Variants in DEFB131B observed in about 807,000 individuals in gnomAD.
The protein encoded by DEFB131B is beta-defensin 131B.
In DEFB131B, 2 loss-of-function variants were observed where a neutral mutation model predicts 2.1. That is an observed-to-expected ratio of 0.94 (90% confidence interval 0.38 to 2.95). The LOEUF is 2.95. Among genes scored for constraint, DEFB131B ranks in the 30% most tolerant of loss-of-function variants. The pLI is 0.09. For synonymous variants in DEFB131B, 26 were observed against 25.8 expected, an observed-to-expected ratio of 1.01 and a Z score of -0.03; for missense variants, 77 against 78.5, an observed-to-expected ratio of 0.98 and a Z score of 0.07.
chr11:71,882,593 C>T (rs1952577179), intron 1 of DEFB131B, among the ~76,000 whole-genome samples: 1 of 152,176 alleles, frequency 6.6e-6, no homozygotes, highest in African/African-American at 2.4e-5. Flanking sequence ...GAGTTTGTCA[C>T]CAGTAGTCCT....
chr11:71,882,074 T>C (rs1952567432), intron 1 of DEFB131B, among the ~76,000 whole-genome samples: 1 of 151,342 alleles, frequency 6.6e-6, no homozygotes, highest in African/African-American at 2.4e-5. Context: ...CTGCCAAAAA[T>C]CAAAGACGAA....
chr11:71,884,508 A>C lies in DEFB131B; in HGVS notation c.160A>C (p.Ser54Arg). ...TGCAATTAGATACTGTGCTGACTTC[A>C]GCATCTGCTGCAAACTGAAGATCAT... is the stretch of plus-strand genomic sequence containing the variant. ...EHAIRYCADF[S>R]ICCKLKIIQI... Residue 54 changes from serine to arginine, a missense_variant, in exon 2 of 2, where the codon AGC (serine) becomes CGC (arginine). Coordinates refer to ENST00000530210, the MANE Select transcript of DEFB131B (RefSeq NM_001242853.1). The C allele has an allele frequency of 6.2e-7, 1 of 1,609,930 alleles. No individual in the cohort carries two copies. The highest frequency in any genetic ancestry group is 8.5e-7 in the Non-Finnish European group (1 of 1,178,572).
intron 1 of DEFB131B, among the ~76,000 whole-genome samples, chr11:71,880,319 CAG>C (rs1359564661): frequency 4.6e-5 from 7 of 152,222 alleles, no homozygotes; most frequent in South Asian, 4.1e-4. Context: ...TTGTTTATAA[CAG>C]ACTCTAATGA....
chr11:71,882,601 C>G (rs1485137600), intron 1 of DEFB131B, among the ~76,000 whole-genome samples: 1 of 152,148 alleles, frequency 6.6e-6, no homozygotes, highest in Non-Finnish European at 1.5e-5. Flanking sequence ...CACCAGTAGT[C>G]CTACCTTACA....
intron 1 of DEFB131B, among the ~76,000 whole-genome samples, chr11:71,881,470 C>T (rs148751983): frequency 0.037 from 5,668 of 152,176 alleles, 356 homozygotes; most frequent in African/African-American, 0.13. Context: ...TTTGGTTTCT[C>T]CTGAGGCCTG....
chr11:71,879,130 A>G (rs1156472164), intron 1 of DEFB131B, among the ~76,000 whole-genome samples: 1 of 152,220 alleles, frequency 6.6e-6, no homozygotes, highest in Non-Finnish European at 1.5e-5. Context: ...GACTAGAAGA[A>G]GGGCTAGAGG....
At chr11:71,884,087 A>C (rs1287378814) in intron 1 of DEFB131B, among the ~76,000 whole-genome samples, 1 of 152,232 alleles carries the variant, frequency 6.6e-6, no homozygotes, top group Admixed American at 6.5e-5. Flanking sequence ...TCCAGAAATT[A>C]AACATTATTT....
intron 1 of DEFB131B, among the ~76,000 whole-genome samples, chr11:71,881,786 G>T (rs2121351259): frequency 6.6e-6 from 1 of 152,112 alleles, no homozygotes; most frequent in South Asian, 2.1e-4. Flanking sequence ...TGAGCTTAAA[G>T]AATTTTAAAT....
chr11:71,880,776 T>C (rs61890865), intron 1 of DEFB131B, among the ~76,000 whole-genome samples: 58 of 149,002 alleles, frequency 3.9e-4, no homozygotes, highest in South Asian at 8.7e-4. Flanking sequence ...ACTCAATGGT[T>C]GTTCAGAAGC....
intron 1 of DEFB131B, among the ~76,000 whole-genome samples, chr11:71,882,402 T>G (rs1430487584): frequency 6.6e-6 from 1 of 152,226 alleles, no homozygotes; most frequent in African/African-American, 2.4e-5. Flanking sequence ...TGGCTAATTT[T>G]GTATTTTTAG....
intron 1 of DEFB131B, 94 bp from the exon 2 acceptor site, chr11:71,884,313 T>G: frequency 7.4e-7 from 1 of 1,346,314 alleles, no homozygotes; most frequent in East Asian, 2.7e-5. Context: ...GGGAAAGTTC[T>G]GTAATGCTTT....
chr11:71,883,566 C>G (rs879656612), intron 1 of DEFB131B, among the ~76,000 whole-genome samples: 6 of 152,170 alleles, frequency 3.9e-5, no homozygotes, highest in Non-Finnish European at 8.8e-5. Flanking sequence ...GGGCCTGTAT[C>G]TTACACTACA....
chr11:71,881,819 C>G (rs1299449962), intron 1 of DEFB131B, among the ~76,000 whole-genome samples: 2 of 150,490 alleles, frequency 1.3e-5, no homozygotes, highest in Non-Finnish European at 3.0e-5. Flanking sequence ...AACTTAAAAG[C>G]AAAGAAAAAA....
At chr11:71,879,303 C>T (rs1164891318) in intron 1 of DEFB131B, among the ~76,000 whole-genome samples, 3 of 152,128 alleles carry the variant, frequency 2.0e-5, no homozygotes, top group African/African-American at 7.2e-5. Flanking sequence ...AGTTAAGATT[C>T]CACCTTAATT....
At chr11:71,882,135 A>T (rs1246229541) in intron 1 of DEFB131B, among the ~76,000 whole-genome samples, 3 of 152,164 alleles carry the variant, frequency 2.0e-5, no homozygotes, top group Non-Finnish European at 4.4e-5. Context: ...ATCTATGGAC[A>T]ACCAAGGATA....
intron 1 of DEFB131B, among the ~76,000 whole-genome samples, chr11:71,884,054 A>G (rs948662973): frequency 3.3e-5 from 5 of 152,138 alleles, no homozygotes; most frequent in African/African-American, 1.2e-4. Context: ...TTCCATCCCC[A>G]ATGACTTTTT....
chr11:71,884,357 A>G, intron 1 of DEFB131B, 50 bp from the exon 2 acceptor site: 5 of 1,478,808 alleles, frequency 3.4e-6, no homozygotes, highest in Non-Finnish European at 4.5e-6. Flanking sequence ...ACATTTAAAC[A>G]TAAAAAGTAA....
intron 1 of DEFB131B, among the ~76,000 whole-genome samples, chr11:71,879,992 T>G (rs1251722290): frequency 1.3e-5 from 2 of 152,254 alleles, no homozygotes; most frequent in East Asian, 3.9e-4. Context: ...AATGGAACAC[T>G]CTAAAGGAAT....
In DEFB131B at chr11:71,882,227, G is replaced by A. The variant is rs1228064143; in HGVS notation, c.59-2180G>A. On this transcript the variant is annotated intron_variant, in intron 1 of 1. Coordinates refer to ENST00000530210, the MANE Select transcript of DEFB131B (RefSeq NM_001242853.1). ...ATTTAAAATGTTAAAAAAAAAAAAAGAACACTATCTTAAAACTCTCTACTT... is the reference window on the plus strand; with the variant it reads ...ATTTAAAATGTTAAAAAAAAAAAAAAAACACTATCTTAAAACTCTCTACTT... Among the ~76,000 whole-genome samples the A allele has an allele frequency of 8.1e-5, 12 of 148,268 alleles. No homozygotes were observed. The South Asian group carries it at 2.1e-3, about 26-fold the overall frequency.
Sources: allele counts gnomAD v4.1 joint callset (sites outside exome capture counted in the v4.1 genomes callset), GRCh38; gene constraint gnomAD v4.1.1; transcripts MANE v1.5; gene names NCBI Gene and HGNC (gene_info 2026-07-23, HGNC 2026-07-21).